The following ZNF253 variants were observed in gnomAD, a reference collection of about 807,000 sequenced individuals.
ZNF253 encodes DNA-binding protein.
A neutral mutation model predicts 11.9 loss-of-function variants in ZNF253; 8 were observed. The observed-to-expected ratio is 0.67, with a 90% CI of 0.40 to 1.22. The LOEUF (loss-of-function observed/expected upper bound fraction) is 1.22. ZNF253 is among the 50% of genes most tolerant of loss of function. The pLI is 0.01. For missense variants in ZNF253, 485 were observed against 586.9 expected (o/e 0.83, Z 1.79); for synonymous variants, 194 against 194.9 (o/e 1.00, Z 0.04).
intron 1 of ZNF253, among the ~76,000 whole-genome samples, chr19:19,874,753 T>C (rs939634269): frequency 3.3e-5 from 5 of 151,428 alleles, no homozygotes; most frequent in Non-Finnish European, 7.4e-5. Flanking sequence ...CTACTAAAAA[T>C]ACAAAAAAAT....
rs200823374 is a variant in ZNF253 at position 19,892,677 on chromosome 19, G to A, written c.1430G>A (p.Arg477Gln). 2.4e-3 allele frequency: 3,818 copies of A among 1,612,404 alleles called. 5 individuals are homozygous for A. The highest frequency in any genetic ancestry group is 8.1e-3 in the Middle Eastern group (49 of 6,050). Residue 477 changes from arginine (R) to glutamine (Q), a missense_variant, in exon 4 of 4, where the codon CGA becomes CAA. Transcript: ENST00000589717. ...LNKHKKIHIE[R>Q]KPYIVKNVTD... Reference sequence around the variant, plus strand: ...AAACATAAGAAAATTCATATTGAACGAAAACCCTACATAGTGAAGAATGTG... The same window carrying A: ...AAACATAAGAAAATTCATATTGAACAAAAACCCTACATAGTGAAGAATGTG...
In ZNF253 at chr19:19,890,989, C is replaced by T. The variant is rs372599167; in HGVS notation, c.227-485C>T. 1.5e-4 allele frequency among the ~76,000 whole-genome samples: 22 copies of T among 151,296 alleles called. No homozygotes were observed. In the South Asian group the frequency reaches 1.5e-3, roughly 10 times the overall value. On this transcript the variant is annotated intron_variant, in intron 3 of 3. Coordinates refer to ENST00000589717, the MANE Select transcript of ZNF253 (RefSeq NM_021047.3). ...CCGAGTAGCTGGGATTAAATGTGCCCGCCACCATGTCTGGCTAATTTTTTG... is the reference window on the plus strand; with the variant it reads ...CCGAGTAGCTGGGATTAAATGTGCCTGCCACCATGTCTGGCTAATTTTTTG...
Position 19,891,537 on chromosome 19 carries a change from G to T in ZNF253, c.290G>T (p.Gly97Val), listed in dbSNP as rs758557597. 41 of 1,613,354 alleles carry T rather than the reference G, an allele frequency of 2.5e-5. No individual in the cohort carries two copies. Among genetic ancestry groups the T allele is most frequent in the Middle Eastern group, 3.3e-4 (2 of 6,056 alleles). Residue 97 changes from glycine (G) to valine (V), a missense_variant, in exon 4 of 4, where the codon GGG becomes GTG. By Grantham distance (109) the Gly-to-Val change is moderately radical. Transcript: ENST00000589717. ...PENIQNSFQI[G>V]MLRRYEECRH... ...AACATACAAAATTCTTTCCAAATAG[G>T]GATGCTGAGAAGATATGAAGAATGC... is the stretch of plus-strand genomic sequence containing the variant.
At chr19:19,884,530 C>T (rs1054189659) in intron 3 of ZNF253, among the ~76,000 whole-genome samples, 2 of 152,078 alleles carry the variant, frequency 1.3e-5, no homozygotes, top group South Asian at 2.1e-4. Flanking sequence ...CGTAACATCA[C>T]CCATCTAGTT....
chr19:19,869,041 T>A (rs2063122280), intron 1 of ZNF253, among the ~76,000 whole-genome samples: 1 of 152,174 alleles, frequency 6.6e-6, no homozygotes, highest in Admixed American at 6.5e-5. Context: ...GAAAAGTTTA[T>A]TTTTTTCATT....
Position 19,891,758 on chromosome 19 carries a change from C to G in ZNF253, c.511C>G (p.Leu171Val). The change falls in exon 4 of 4, where the codon CTT becomes GTT. Residue 171 changes from leucine to valine, a missense_variant. This residue lies in a region of ZNF253 where 218 missense variants were observed against 213.1 expected (regional missense o/e 1.02). Coordinates refer to ENST00000589717, the MANE Select transcript of ZNF253 (RefSeq NM_021047.3). ...TAAGACAAGACATACTGGAATAAAT[C>G]TTTTCAAATGTATAATATGTGGCAA... Reference protein sequence around the residue: ...TYKTRHTGINLFKCIICGKAF... With the variant: ...TYKTRHTGINVFKCIICGKAF... 1.2e-6 allele frequency: 2 copies of G among 1,614,074 alleles called. No individual in the cohort carries two copies. The highest frequency in any genetic ancestry group is 2.7e-5 in the African/African-American group (2 of 75,040).
Position 19,891,463 on chromosome 19 carries a change from G to A in ZNF253, c.227-11G>A, listed in dbSNP as rs763857303. The A allele has an allele frequency of 3.2e-6, 5 of 1,558,572 alleles. No individual in the cohort carries two copies. The highest frequency in any genetic ancestry group is 4.5e-5 in the East Asian group (2 of 44,396). On this transcript the variant is annotated splice_polypyrimidine_tract_variant and intron_variant, in intron 3 of 3. Transcript: ENST00000589717. The stretch of plus-strand genomic sequence containing the variant: ...GCAATTGAAGTAATGTGTTTTTATT[G>A]TTTCTTTTAGTTATGAGTTCTCATT...
At chr19:19,874,502 C>G (rs573657655) in intron 1 of ZNF253, among the ~76,000 whole-genome samples, 16 of 151,876 alleles carry the variant, frequency 1.1e-4, no homozygotes, top group Non-Finnish European at 1.8e-4. Flanking sequence ...CCAGCCTGGG[C>G]GACAGAGCTC....
intron 3 of ZNF253, among the ~76,000 whole-genome samples, chr19:19,890,965 C>T (rs915770122): frequency 3.3e-5 from 5 of 150,128 alleles, no homozygotes; most frequent in Non-Finnish European, 5.9e-5. Context: ...CGCAGCCCTC[C>T]GAGTAGCTGG....
At chr19:19,876,682 G>A (rs10419205) in intron 1 of ZNF253, among the ~76,000 whole-genome samples, 23,490 of 152,006 alleles carry the variant, frequency 0.15, 4,087 homozygotes, top group African/African-American at 0.43. Context: ...AGAGAATCTC[G>A]TCTGAGAAGG....
intron 3 of ZNF253, among the ~76,000 whole-genome samples, chr19:19,880,405 C>G (rs577365867): frequency 6.6e-6 from 1 of 151,510 alleles, no homozygotes; most frequent in African/African-American, 2.4e-5. Context: ...CTCTTCATGG[C>G]ATGTAAAAGG....
chr19:19,879,982 T>G, intron 2 of ZNF253, 69 bp from the exon 3 acceptor site: 1 of 985,214 alleles, frequency 1.0e-6, no homozygotes, highest in East Asian at 2.9e-5. Flanking sequence ...TCCTCTCTGC[T>G]GAGCACAGTA....
At chr19:19,890,438 A>G (rs2063223665) in intron 3 of ZNF253, among the ~76,000 whole-genome samples, 1 of 151,878 alleles carries the variant, frequency 6.6e-6, no homozygotes, top group African/African-American at 2.4e-5. Context: ...AGAAATAAAG[A>G]TGTATGTGCC....
intron 3 of ZNF253, among the ~76,000 whole-genome samples, chr19:19,882,046 G>A (rs1029373064): frequency 7.9e-5 from 12 of 151,964 alleles, no homozygotes; most frequent in African/African-American, 9.7e-5. Flanking sequence ...AAAGTTAGCC[G>A]GGTGTGGTGA....
At chr19:19,867,704 G>A (rs1206390158) in intron 1 of ZNF253, among the ~76,000 whole-genome samples, 4 of 152,190 alleles carry the variant, frequency 2.6e-5, no homozygotes, top group Admixed American at 6.5e-5. Flanking sequence ...ACCACTGATA[G>A]GGCCTGTCCA....
intron 1 of ZNF253, 67 bp downstream of exon 1, chr19:19,866,066 G>A: frequency 1.1e-5 from 18 of 1,603,766 alleles, no homozygotes; most frequent in Non-Finnish European, 1.4e-5. Flanking sequence ...AGTGGCTCTG[G>A]CGGGACTCTG....
At chr19:19,873,944 T>C (rs1468223959) in intron 1 of ZNF253, among the ~76,000 whole-genome samples, 1 of 152,128 alleles carries the variant, frequency 6.6e-6, no homozygotes, top group Non-Finnish European at 1.5e-5. Context: ...ATAGAGTCTC[T>C]GTCGCCCAGG....
chr19:19,883,971 C>T (rs1481817627), intron 3 of ZNF253, among the ~76,000 whole-genome samples: 1 of 151,144 alleles, frequency 6.6e-6, no homozygotes, highest in Non-Finnish European at 1.5e-5. Context: ...ATAGGAAAAT[C>T]GCTTGAACCT....
At chr19:19,884,379 AT>A (rs72362337) in intron 3 of ZNF253, among the ~76,000 whole-genome samples, 56,118 of 149,042 alleles carry the variant, frequency 0.38, 12,722 homozygotes, top group East Asian at 0.65. Flanking sequence ...TTTTATTTTT[AT>A]TTTTTTTTTG....
Sources: gnomAD v4.1 joint callset for allele counts (sites outside exome capture counted in the v4.1 genomes callset) on GRCh38, gnomAD v4.1.1 for gene constraint, gnomAD v4.1.1 regional missense constraint, MANE v1.5 for transcripts, NCBI Gene and HGNC (gene_info 2026-07-23, HGNC 2026-07-21) for gene names.